The following GATAD2A variants were observed in gnomAD, a reference collection of about 807,000 sequenced individuals.
GATAD2A encodes transcriptional repressor p66-alpha.
A neutral mutation model predicts 68.5 loss-of-function variants in GATAD2A; 12 were observed. That is an observed-to-expected ratio of 0.18 (90% CI 0.11 to 0.28). GATAD2A has a LOEUF of 0.28. Ranked by LOEUF, GATAD2A falls within the 10% of genes least tolerant of loss-of-function variation. The pLI is 1.00. For synonymous variants in GATAD2A, 410 were observed against 375.3 expected, an observed-to-expected ratio of 1.09 and a Z score of -1.07; for missense variants, 755 against 868.5, an observed-to-expected ratio of 0.87 and a Z score of 1.64.
chr19:19,493,343 C>G (rs2059929355), intron 4 of GATAD2A, among the ~76,000 whole-genome samples: 1 of 152,174 alleles, frequency 6.6e-6, no homozygotes. Flanking sequence ...AGGCCGCCTG[C>G]ACTGTGGGCG....
chr19:19,433,149 C>T (rs781533371), intron 1 of GATAD2A, among the ~76,000 whole-genome samples: 6 of 152,168 alleles, frequency 3.9e-5, no homozygotes, highest in Non-Finnish European at 8.8e-5. Flanking sequence ...ACTGTAGGTA[C>T]GATGTACTGT....
At chr19:19,432,524 C>T (rs1188143973) in intron 1 of GATAD2A, among the ~76,000 whole-genome samples, 8 of 152,068 alleles carry the variant, frequency 5.3e-5, no homozygotes, top group Non-Finnish European at 1.0e-4. Flanking sequence ...TGGTTTCGAA[C>T]CCCTGACCTC....
chr19:19,425,490 A>G (rs2052967712), intron 1 of GATAD2A, among the ~76,000 whole-genome samples: 1 of 152,180 alleles, frequency 6.6e-6, no homozygotes, highest in Non-Finnish European at 1.5e-5. Context: ...AGCACCAGAT[A>G]GTTGTTTACC....
At chr19:19,431,892 G>A (rs2053792676) in intron 1 of GATAD2A, among the ~76,000 whole-genome samples, 1 of 152,030 alleles carries the variant, frequency 6.6e-6, no homozygotes, top group African/African-American at 2.4e-5. Flanking sequence ...AAGAAGAGGA[G>A]CAGGGTCGGG....
At chr19:19,461,127 GA>G (rs1210173044) in intron 1 of GATAD2A, among the ~76,000 whole-genome samples, 1 of 152,338 alleles carries the variant, frequency 6.6e-6, no homozygotes, top group East Asian at 1.9e-4. Context: ...TGAGGAGGCA[GA>G]AAGACGCCTA....
intron 1 of GATAD2A, among the ~76,000 whole-genome samples, chr19:19,447,318 G>C (rs1035154403): frequency 3.9e-5 from 6 of 152,186 alleles, no homozygotes; most frequent in African/African-American, 1.4e-4. Context: ...TTGGACTTGG[G>C]GGACGGGCAC....
chr19:19,434,814 G>A (rs940716308), intron 1 of GATAD2A, among the ~76,000 whole-genome samples: 1 of 152,196 alleles, frequency 6.6e-6, no homozygotes, highest in Non-Finnish European at 1.5e-5. Flanking sequence ...TGTAAGACAG[G>A]CAGCCTCTTT....
intron 5 of GATAD2A, among the ~76,000 whole-genome samples, chr19:19,494,767 G>A (rs2148421056): frequency 6.6e-6 from 1 of 152,356 alleles, no homozygotes; most frequent in Non-Finnish European, 1.5e-5. Flanking sequence ...GGTCAGAAGA[G>A]GCCCTCCTGC....
At chr19:19,456,459 A>G (rs1450770061) in intron 1 of GATAD2A, among the ~76,000 whole-genome samples, 1 of 152,160 alleles carries the variant, frequency 6.6e-6, no homozygotes, top group Non-Finnish European at 1.5e-5. Context: ...GCCACTGAGC[A>G]TGTGTGTAGC....
At chr19:19,404,386 A>C (rs2050004825), upstream of GATAD2A, among the ~76,000 whole-genome samples, 1 of 152,152 alleles carries the variant, frequency 6.6e-6, no homozygotes, top group Non-Finnish European at 1.5e-5. Flanking sequence ...AGTAGAATAG[A>C]AATAACAGTA....
chr19:19,469,327 G>A (rs544536970), intron 2 of GATAD2A, among the ~76,000 whole-genome samples: 1 of 151,510 alleles, frequency 6.6e-6, no homozygotes, highest in East Asian at 2.0e-4. Flanking sequence ...AGCTACTTGG[G>A]AGGCTGAGGC....
chr19:19,487,061 G>A (rs1044220774), intron 2 of GATAD2A, among the ~76,000 whole-genome samples: 2 of 152,210 alleles, frequency 1.3e-5, no homozygotes, highest in African/African-American at 2.4e-5. Context: ...GAGCATGCGG[G>A]CTCAGGGCTC....
At chr19:19,386,937 C>T (rs1341595415) in intron 1 of GATAD2A, among the ~76,000 whole-genome samples, 1 of 151,950 alleles carries the variant, frequency 6.6e-6, no homozygotes, top group Non-Finnish European at 1.5e-5. Context: ...GGGACCCCTG[C>T]CTCCCTAGAG....
chr19:19,418,049 G>A (rs953238958), intron 1 of GATAD2A, among the ~76,000 whole-genome samples: 1 of 152,186 alleles, frequency 6.6e-6, no homozygotes, highest in Non-Finnish European at 1.5e-5. Flanking sequence ...AGCAGTGGCA[G>A]CTGAATGACG....
intron 1 of GATAD2A, among the ~76,000 whole-genome samples, chr19:19,428,901 G>A (rs2053401861): frequency 6.6e-6 from 1 of 152,168 alleles, no homozygotes; most frequent in Non-Finnish European, 1.5e-5. Flanking sequence ...GCCGCGCCCC[G>A]AAGCTCTGGA....
chr19:19,389,744 G>C (rs1379081547), intron 1 of GATAD2A, among the ~76,000 whole-genome samples: 2 of 152,132 alleles, frequency 1.3e-5, no homozygotes, highest in African/African-American at 4.8e-5. Context: ...GGGTAGAGAA[G>C]TGCCTGCACG....
At chr19:19,388,962 CAG>C (rs570073439) in intron 1 of GATAD2A, among the ~76,000 whole-genome samples, 266 of 152,154 alleles carry the variant, frequency 1.7e-3, no homozygotes, top group Middle Eastern at 6.8e-3. Context: ...GATCCAGAAA[CAG>C]GGGAAGGGAG....
exon 1 of GATAD2A, chr19:19,385,969 C>A: frequency 1.3e-5 from 2 of 149,148 alleles, no homozygotes; most frequent in South Asian, 3.8e-4. Context: ...CCGCGCCGCC[C>A]GCGCAGTCGG....
rs533661452 is a variant in GATAD2A at position 19,396,092 on chromosome 19, G to A, written c.-7+9954G>A. 3.6e-3 allele frequency among the ~76,000 whole-genome samples: 546 copies of A among 152,206 alleles called. 5 individuals are homozygous for A. Among genetic ancestry groups the A allele is most frequent in the Non-Finnish European group, 6.1e-3 (414 of 67,992 alleles). ...ACCCAGCACTTTGGGAGGCTGAGGCGGGTGGATCGCCTGAGGTCAGGAGTT... is the reference window on the plus strand; with the variant it reads ...ACCCAGCACTTTGGGAGGCTGAGGCAGGTGGATCGCCTGAGGTCAGGAGTT... On this transcript the variant is annotated intron_variant, in intron 1 of 11. Transcript: ENST00000360315.
Sources: gnomAD v4.1 joint callset for allele counts (sites outside exome capture counted in the v4.1 genomes callset) on GRCh38, gnomAD v4.1.1 for gene constraint, MANE v1.5 for transcripts, NCBI Gene and HGNC (gene_info 2026-07-23, HGNC 2026-07-21) for gene names.